The following PDE5A variants were observed in gnomAD, a reference collection of about 807,000 sequenced individuals.
PDE5A encodes the protein phosphodiesterase 5A.
In PDE5A, 67 loss-of-function variants were observed where a neutral mutation model predicts 110.2. That is an observed-to-expected ratio of 0.61 (90% confidence interval 0.50 to 0.75). The LOEUF is 0.75. Ranked by LOEUF, PDE5A falls within the 30% of genes least tolerant of loss-of-function variation. The probability of loss-of-function intolerance (pLI) is 0.00; values close to 1 mark genes in which losing one functional copy is unlikely to be tolerated. For missense variants in PDE5A, 862 were observed against 1,045.1 expected (o/e 0.82, Z 2.42); for synonymous variants, 328 against 351.2 (o/e 0.93, Z 0.74).
chr4:119,498,711 A>G lies in PDE5A; in HGVS notation c.2518T>C (p.Phe840Leu), dbSNP rs367914889. 3.1e-6 allele frequency: 5 copies of G among 1,613,838 alleles called. No individual in the cohort carries two copies. The highest frequency in any genetic ancestry group is 4.2e-6 in the Non-Finnish European group (5 of 1,179,904). Residue 840 changes from phenylalanine (F) to leucine (L), a missense_variant, in exon 21 of 21, where the codon TTC becomes CTC. Transcript: ENST00000354960. The stretch of plus-strand genomic sequence containing the variant: ...TTTCTGCAGCCATCTAGCAAAGGGA[A>G]ACAGTCCTCTGACACGTGGGTCAGG... ...EALTHVSEDC[F>L]PLLDGCRKNR...
chr4:119,560,699 G>A (rs553680168), intron 6 of PDE5A, among the ~76,000 whole-genome samples: 13 of 151,934 alleles, frequency 8.6e-5, no homozygotes, highest in African/African-American at 2.2e-4. Flanking sequence ...GGCTTTTAAC[G>A]CTTAAGTACA....
intron 3 of PDE5A, among the ~76,000 whole-genome samples, chr4:119,587,971 T>C (rs1415429140): frequency 1.3e-5 from 2 of 152,144 alleles, no homozygotes; most frequent in Non-Finnish European, 2.9e-5. Flanking sequence ...ATCAGGAGCA[T>C]TTATGTGGTT....
intron 20 of PDE5A, 138 bp from the exon 21 acceptor site, chr4:119,498,876 GCACATA>G: frequency 1.3e-6 from 1 of 773,754 alleles, no homozygotes; most frequent in South Asian, 1.7e-5. Flanking sequence ...AGCTTTGTGA[GCACATA>G]CACAGATCAT....
chr4:119,574,510 T>C (rs2110515207), intron 3 of PDE5A, among the ~76,000 whole-genome samples: 1 of 152,182 alleles, frequency 6.6e-6, no homozygotes, highest in Middle Eastern at 3.4e-3. Context: ...ACTCCTCTTT[T>C]ATACTCAAGG....
In PDE5A at chr4:119,586,336, A is replaced by G. The variant is rs776078781; in HGVS notation, c.831+10187T>C. On this transcript the variant is annotated intron_variant, in intron 3 of 20. Transcript: ENST00000354960. ...CTATTAATTTCCATTCTATGATCAA[A>G]AGCAAGTGGAGATTTAGCATAGACT... Among the ~76,000 whole-genome samples, 9 of 152,348 alleles carry G rather than the reference A, an allele frequency of 5.9e-5. No homozygotes were observed. The South Asian group carries it at 1.0e-3, about 18-fold the overall frequency.
At chr4:119,616,759 T>C (rs1351730105) in intron 1 of PDE5A, among the ~76,000 whole-genome samples, 6 of 151,654 alleles carry the variant, frequency 4.0e-5, no homozygotes, top group Non-Finnish European at 7.4e-5. Context: ...AAAAAGGAAT[T>C]CTGGAGGTTA....
intron 1 of PDE5A, among the ~76,000 whole-genome samples, chr4:119,610,754 C>T (rs1729713026): frequency 6.6e-6 from 1 of 152,126 alleles, no homozygotes. Context: ...GTTCTGTCAA[C>T]CTGACTTCCA....
At chr4:119,544,727 T>A (rs1205655840) in intron 9 of PDE5A, among the ~76,000 whole-genome samples, 2 of 152,176 alleles carry the variant, frequency 1.3e-5, no homozygotes, top group African/African-American at 4.8e-5. Flanking sequence ...ACAGAGGGGT[T>A]GAGATGTGAA....
At position 119,628,606 on chromosome 4, in the gene PDE5A, C is replaced by T. The variant is rs1355655254; in HGVS notation, c.66G>A (p.Gln22=). 1.2e-6 allele frequency: 2 copies of T among 1,613,864 alleles called. No individual in the cohort carries two copies. The highest frequency in any genetic ancestry group is 1.7e-5 in the Admixed American group (1 of 59,980). The change falls in exon 1 of 21, where the codon CAG becomes CAA. Residue 22 remains glutamine, a synonymous_variant. Coordinates refer to ENST00000354960, the MANE Select transcript of PDE5A (RefSeq NM_001083.4). ...CGACCGAGTCCTGATCCCTCTGCTG[C>T]TGCTTCTGCTGCTGGGGCTGCTGCT... The part of the protein sequence containing the change: ...RQQQQPQQQK[Q]QQRDQDSVEA...
Position 119,525,496 on chromosome 4 carries a change from A to G in PDE5A, c.1779+53T>C. 6.5e-7 allele frequency: 1 copy of G among 1,530,480 alleles called. No individual in the cohort carries two copies. Among genetic ancestry groups the G allele is most frequent in the South Asian group, 1.2e-5 (1 of 81,252 alleles). The allele number at this position is 1,530,480 out of a possible 1,614,324, so 94.8% of individuals were successfully genotyped here. On this transcript the variant is annotated intron_variant, in intron 12 of 20. Transcript: ENST00000354960. This position sits in a 1 kb window ranked among gnomAD's most constrained non-coding sequence, Gnocchi z 4.3. ...ATTCAAAACCAATTCTCTCTCTTAC[A>G]TACACACACACATACACATAGACTT...
chr4:119,504,590 C>T lies in PDE5A; in HGVS notation c.2277G>A (p.Leu759=). ...PHQKELFLAM[L]MTACDLSAIT... ...TTGCAGAAAGATCACAAGCTGTCAT[C>T]AGCATTGCCCTGTTATGGAAAAAAG... The change falls in exon 18 of 21, where the codon CTG becomes CTA. Residue 759 remains leucine, a synonymous_variant. Coordinates refer to ENST00000354960, the MANE Select transcript of PDE5A (RefSeq NM_001083.4). The T allele has an allele frequency of 6.2e-7, 1 of 1,612,080 alleles. No individual in the cohort carries two copies. The highest frequency in any genetic ancestry group is 8.5e-7 in the Non-Finnish European group (1 of 1,178,818).
chr4:119,528,302 A>C (rs966348556), intron 11 of PDE5A, among the ~76,000 whole-genome samples: 1 of 152,140 alleles, frequency 6.6e-6, no homozygotes, highest in Non-Finnish European at 1.5e-5. Context: ...TCTGGACATG[A>C]AAAGTCACTA....
chr4:119,518,937 G>A lies in PDE5A; in HGVS notation c.2000+108C>T. 3 of 663,430 alleles carry A rather than the reference G, an allele frequency of 4.5e-6. No homozygotes were observed. The East Asian group carries it at 8.2e-5, about 18-fold the overall frequency. 41.1% of individuals were successfully genotyped at this position (663,430 alleles called of 1,614,324 possible). A position where few individuals can be genotyped will look rare whatever the true frequency, so the allele number is the denominator to read the frequency against. ...TCCATTTCCTTTAAATATAACCAGA[G>A]TATGTTATGGGACCTTGACCATCAA... On this transcript the variant is annotated intron_variant, in intron 14 of 20. Coordinates refer to ENST00000354960, the MANE Select transcript of PDE5A (RefSeq NM_001083.4).
intron 2 of PDE5A, among the ~76,000 whole-genome samples, chr4:119,597,610 T>C (rs35850447): frequency 0.1 from 15,591 of 152,124 alleles, 1,030 homozygotes; most frequent in Non-Finnish European, 0.15. Context: ...ACATGCTTAA[T>C]CTAATAATAG....
chr4:119,552,843 C>G (rs989002959), intron 8 of PDE5A, among the ~76,000 whole-genome samples: 2 of 151,678 alleles, frequency 1.3e-5, no homozygotes, highest in Non-Finnish European at 2.9e-5. Context: ...TTAAAAATAT[C>G]GGAATTTTTT....
At chr4:119,534,448 C>A (rs556176469) in intron 11 of PDE5A, among the ~76,000 whole-genome samples, 1 of 152,084 alleles carries the variant, frequency 6.6e-6, no homozygotes, top group Non-Finnish European at 1.5e-5. Flanking sequence ...GCCTGATGAT[C>A]TGAGGTGAAA....
rs1578721550 is a variant in PDE5A at position 119,502,747 on chromosome 4, T to C, written c.2332-92A>G. On this transcript the variant is annotated intron_variant, in intron 18 of 20. Coordinates refer to ENST00000354960, the MANE Select transcript of PDE5A (RefSeq NM_001083.4). ...AATGAAGGCCCTGTTAGGAGCTGTA[T>C]ATCTCCATTTTATAGCAAATAAGCA... 6 of 768,722 alleles carry C rather than the reference T, an allele frequency of 7.8e-6. No individual in the cohort carries two copies. In the East Asian group the frequency reaches 1.5e-4, roughly 19 times the overall value. The allele number at this position is 768,722 out of a possible 1,614,324, so 47.6% of individuals were successfully genotyped here. A position where few individuals can be genotyped will look rare whatever the true frequency, so the allele number is the denominator to read the frequency against.
In PDE5A at chr4:119,627,859, GC is replaced by G. The variant is rs1730416700; in HGVS notation, c.152+660del. ...CCGCTCCAGGCGGCGCCTCCCCTGC[GC>G]CCTTTGTGTGCACGCCGCAAACCCC... On this transcript the variant is annotated intron_variant, in intron 1 of 20. Transcript: ENST00000354960. This position sits in a 1 kb window ranked among gnomAD's most constrained non-coding sequence, Gnocchi z 4.6. The G allele has an allele frequency of 5.5e-6, 1 of 181,150 alleles. No homozygotes were observed. Among genetic ancestry groups the G allele is most frequent in the African/African-American group, 2.4e-5 (1 of 41,962 alleles). 11.2% of individuals were successfully genotyped at this position (181,150 alleles called of 1,614,324 possible). A position where few individuals can be genotyped will look rare whatever the true frequency, so the allele number is the denominator to read the frequency against.
At chr4:119,562,354 C>T (rs1218279796) in intron 6 of PDE5A, among the ~76,000 whole-genome samples, 1 of 152,168 alleles carries the variant, frequency 6.6e-6, no homozygotes, top group Non-Finnish European at 1.5e-5. Flanking sequence ...TTATGGGGAC[C>T]ATTAGTAATA....
Sources: gnomAD v4.1 joint callset for allele counts (sites outside exome capture counted in the v4.1 genomes callset) on GRCh38, gnomAD v4.1.1 for gene constraint, Gnocchi (gnomAD v3.1) non-coding constraint, MANE v1.5 for transcripts, NCBI Gene and HGNC (gene_info 2026-07-23, HGNC 2026-07-21) for gene names.